RGS6: variants seen among roughly 807,000 people sequenced by gnomAD.
RGS6 encodes the protein regulator of G protein signaling 6, also known as regulator of G-protein signaling 6.
Under a neutral mutation model 78.5 loss-of-function variants are expected in RGS6, and 30 were observed. The ratio of observed to expected loss-of-function variants is 0.38; its 90% CI spans 0.29 to 0.52. RGS6 has a LOEUF of 0.52. Ranked by LOEUF, RGS6 falls within the 20% of genes least tolerant of loss-of-function variation. RGS6 has a pLI of 0.85. For missense variants in RGS6, 495 were observed against 609.7 expected (o/e 0.81, Z 1.98); for synonymous variants, 206 against 206.0 (o/e 1.00, Z 0.00).
At chr14:71,875,814 A>G in the RGS6 span, among the ~76,000 whole-genome samples, 3 of 152,134 alleles carry the variant, frequency 2.0e-5, no homozygotes, top group African/African-American at 7.2e-5. Context: ...ACACTGCTTT[A>G]AATGTGTCCC....
At chr14:72,011,592 AAAT>A (rs1311727464) in intron 2 of RGS6, among the ~76,000 whole-genome samples, 3 of 151,928 alleles carry the variant, frequency 2.0e-5, no homozygotes, top group South Asian at 2.1e-4. Flanking sequence ...TAAAAAAAAA[AAAT>A]AATGCAAATA....
intron 2 of RGS6, among the ~76,000 whole-genome samples, chr14:72,331,520 T>C (rs1567776077): frequency 6.6e-6 from 1 of 152,160 alleles, no homozygotes; most frequent in Non-Finnish European, 1.5e-5. Flanking sequence ...CAGCTGCATC[T>C]CCACTTGGTG....
chr14:72,105,195 C>T (rs1356292581), intron 2 of RGS6, among the ~76,000 whole-genome samples: 2 of 152,328 alleles, frequency 1.3e-5, no homozygotes, highest in East Asian at 3.9e-4. Flanking sequence ...CCAGATGCAA[C>T]TCACAGATGA....
chr14:72,258,040 A>G (rs1161134574), intron 2 of RGS6, among the ~76,000 whole-genome samples: 1 of 152,256 alleles, frequency 6.6e-6, no homozygotes, highest in African/African-American at 2.4e-5. Context: ...GAACCACACC[A>G]TAATTCAATT....
chr14:72,402,261 C>T (rs2092486667), intron 3 of RGS6, among the ~76,000 whole-genome samples: 1 of 152,182 alleles, frequency 6.6e-6, no homozygotes, highest in African/African-American at 2.4e-5. Context: ...TAGAAGATAT[C>T]CAGCAGTAAG....
intron 2 of RGS6, among the ~76,000 whole-genome samples, chr14:71,965,366 G>A (rs544816814): frequency 6.6e-6 from 1 of 152,222 alleles, no homozygotes; most frequent in South Asian, 2.1e-4. Flanking sequence ...AATTTCAGAG[G>A]AGGAGGCCAG....
At chr14:72,441,376 C>A (rs1298272931) in intron 3 of RGS6, among the ~76,000 whole-genome samples, 1 of 152,202 alleles carries the variant, frequency 6.6e-6, no homozygotes, top group African/African-American at 2.4e-5. Flanking sequence ...CTCACCAGTC[C>A]TGCAAAGCCA....
At chr14:72,292,149 C>G (rs2063700336) in intron 2 of RGS6, among the ~76,000 whole-genome samples, 1 of 152,178 alleles carries the variant, frequency 6.6e-6, no homozygotes, top group Non-Finnish European at 1.5e-5. Context: ...AGCCTGCCTT[C>G]CCCAGTGTAC....
At chr14:72,538,073 A>T (rs2097273624) in intron 16 of RGS6, among the ~76,000 whole-genome samples, 1 of 152,162 alleles carries the variant, frequency 6.6e-6, no homozygotes, top group African/African-American at 2.4e-5. Context: ...GATACCAACA[A>T]CGTCTCAATA....
the RGS6 span, among the ~76,000 whole-genome samples, chr14:72,598,581 G>T: frequency 6.6e-6 from 1 of 152,176 alleles, no homozygotes; most frequent in Non-Finnish European, 1.5e-5. Flanking sequence ...ATCTGTCTGC[G>T]CAGCCTCGGA....
chr14:72,165,316 G>T (rs954437810), intron 2 of RGS6, among the ~76,000 whole-genome samples: 5 of 152,244 alleles, frequency 3.3e-5, no homozygotes, highest in African/African-American at 9.6e-5. Context: ...GGATTTGCTT[G>T]TGGGGAACAG....
intron 2 of RGS6, among the ~76,000 whole-genome samples, chr14:72,104,868 T>G (rs2095601456): frequency 6.6e-6 from 1 of 152,168 alleles, no homozygotes; most frequent in Admixed American, 6.5e-5. Context: ...TTAAATAAGC[T>G]CTCAGGTTAT....
chr14:72,389,168 G>T (rs1446115637), intron 3 of RGS6, among the ~76,000 whole-genome samples: 1 of 152,150 alleles, frequency 6.6e-6, no homozygotes, highest in Non-Finnish European at 1.5e-5. Flanking sequence ...GTATGACTTT[G>T]CCAGCTTCCT....
intron 3 of RGS6, among the ~76,000 whole-genome samples, chr14:72,442,074 G>A (rs1391401770): frequency 6.6e-6 from 1 of 152,138 alleles, no homozygotes; most frequent in African/African-American, 2.4e-5. Flanking sequence ...CCTCACCAAC[G>A]CTGAGATGAT....
intron 3 of RGS6, among the ~76,000 whole-genome samples, chr14:72,387,707 A>G (rs1006058623): frequency 6.6e-5 from 10 of 152,214 alleles, no homozygotes; most frequent in Admixed American, 5.9e-4. Context: ...ATAAGTCTTC[A>G]CAGTGGGAAG....
At position 72,172,198 on chromosome 14, in the gene RGS6, C is replaced by T. The variant is rs577272791; in HGVS notation, c.85-179897C>T. ...AGTTTGCAAAAATCAAGAACTGTGA[C>T]GATTTAAGATGCATCTGAACTCTTT... On this transcript the variant is annotated intron_variant, in intron 2 of 17. Transcript: ENST00000553525. 5.3e-4 allele frequency among the ~76,000 whole-genome samples: 80 copies of T among 151,856 alleles called. 1 individual carries two copies. The highest frequency in any genetic ancestry group is 9.0e-4 in the Non-Finnish European group (61 of 67,984).
At chr14:72,035,635 T>C (rs1045340353) in intron 2 of RGS6, among the ~76,000 whole-genome samples, 1 of 152,166 alleles carries the variant, frequency 6.6e-6, no homozygotes, top group Admixed American at 6.5e-5. Context: ...TTTTGCTGCA[T>C]CCTATATGTT....
chr14:72,141,859 T>C (rs1035009267), intron 2 of RGS6, among the ~76,000 whole-genome samples: 2 of 151,640 alleles, frequency 1.3e-5, no homozygotes, highest in African/African-American at 4.8e-5. Flanking sequence ...TTATGGTTCC[T>C]TAGATTACAT....
intron 2 of RGS6, among the ~76,000 whole-genome samples, chr14:72,324,531 G>C (rs1047477251): frequency 2.6e-5 from 4 of 152,054 alleles, no homozygotes; most frequent in African/African-American, 9.7e-5. Context: ...AACAGGCCCA[G>C]TGTGTGATGT....
Sources: allele counts gnomAD v4.1 joint callset (sites outside exome capture counted in the v4.1 genomes callset), GRCh38; gene constraint gnomAD v4.1.1; transcripts MANE v1.5; gene names NCBI Gene and HGNC (gene_info 2026-07-23, HGNC 2026-07-21).